Variants in CADM1 observed in about 807,000 individuals in gnomAD.
The protein encoded by CADM1 is TSLC-1.
Under a neutral mutation model 53.1 loss-of-function variants are expected in CADM1, and 15 were observed. The observed-to-expected ratio is 0.28, with a 90% CI of 0.19 to 0.44. The LOEUF (loss-of-function observed/expected upper bound fraction) is 0.44, where lower values mean the gene tolerates loss of function less well. CADM1 is among the 20% of genes least tolerant of loss of function. The probability of loss-of-function intolerance (pLI) is 1.00; values close to 1 mark genes in which losing one functional copy is unlikely to be tolerated. For synonymous variants in CADM1, 281 were observed against 243.0 expected (o/e 1.16, Z -1.45); for missense variants, 434 against 611.3 (o/e 0.71, Z 3.06).
At chr11:115,230,868 C>G (rs1480366541) in intron 4 of CADM1, among the ~76,000 whole-genome samples, 1 of 152,216 alleles carries the variant, frequency 6.6e-6, no homozygotes, top group East Asian at 1.9e-4. Context: ...ATAGTCAACA[C>G]AGGTGATAGT....
At chr11:115,238,153 C>A (rs1399991001) in intron 3 of CADM1, among the ~76,000 whole-genome samples, 1 of 152,066 alleles carries the variant, frequency 6.6e-6, no homozygotes. Context: ...GATTTGGTAG[C>A]CCATCTCCCC....
intron 2 of CADM1, among the ~76,000 whole-genome samples, chr11:115,239,571 C>A (rs1022456846): frequency 6.6e-6 from 1 of 152,130 alleles, no homozygotes; most frequent in Non-Finnish European, 1.5e-5. Context: ...TTTCCTCAAC[C>A]TTTTAAATGT....
intron 1 of CADM1, among the ~76,000 whole-genome samples, chr11:115,471,462 G>A (rs1466037706): frequency 1.3e-5 from 2 of 152,216 alleles, no homozygotes; most frequent in Non-Finnish European, 2.9e-5. Context: ...AAAGCTCACA[G>A]AGGCTGAGCA....
intron 1 of CADM1, among the ~76,000 whole-genome samples, chr11:115,281,928 T>C (rs1251944182): frequency 1.9e-5 from 2 of 104,232 alleles, no homozygotes; most frequent in Admixed American, 9.0e-5. Context: ...AACTGGTTCA[T>C]TTTTTGTTAG....
intron 6 of CADM1, 136 bp from the exon 7 acceptor site, chr11:115,214,916 G>T: frequency 2.1e-6 from 2 of 963,700 alleles, no homozygotes; most frequent in Non-Finnish European, 3.3e-6. Flanking sequence ...CAACTGTGAA[G>T]TCTCCAAAAA....
At chr11:115,503,186 A>T (rs1949769386) in intron 1 of CADM1, among the ~76,000 whole-genome samples, 1 of 152,176 alleles carries the variant, frequency 6.6e-6, no homozygotes, top group East Asian at 1.9e-4. Context: ...CTCTCCGCTG[A>T]GGAAGAGCTC....
Position 115,186,347 on chromosome 11 carries a change from T to C in CADM1, c.1165+4541A>G, listed in dbSNP as rs557464487. The stretch of plus-strand genomic sequence containing the variant: ...TTTGAGGAGAAAGAGCTTGATTTGA[T>C]GCTGGGAAAAAAAATCTTCCCAGGT... On this transcript the variant is annotated intron_variant, in intron 10 of 11. Transcript: ENST00000331581. Among the ~76,000 whole-genome samples, 3 of 152,220 alleles carry C rather than the reference T, an allele frequency of 2.0e-5. No homozygotes were observed. The South Asian group carries it at 6.2e-4, about 32-fold the overall frequency.
intron 1 of CADM1, among the ~76,000 whole-genome samples, chr11:115,311,787 A>G (rs1944538801): frequency 6.6e-6 from 1 of 152,062 alleles, no homozygotes; most frequent in Non-Finnish European, 1.5e-5. Flanking sequence ...ACCAATATAC[A>G]TGGTATCTGT....
chr11:115,343,940 T>C (rs1176605207), intron 1 of CADM1, among the ~76,000 whole-genome samples: 2 of 152,264 alleles, frequency 1.3e-5, no homozygotes, highest in Non-Finnish European at 2.9e-5. Context: ...AAGAGACCTG[T>C]TGCTCAAGTC....
At chr11:115,443,107 C>T (rs530159771) in intron 1 of CADM1, among the ~76,000 whole-genome samples, 2 of 152,030 alleles carry the variant, frequency 1.3e-5, no homozygotes, top group Non-Finnish European at 2.9e-5. Context: ...AAGCTAAAGT[C>T]GAGTAAATAC....
chr11:115,306,154 C>T (rs1429437605), intron 1 of CADM1, among the ~76,000 whole-genome samples: 1 of 147,558 alleles, frequency 6.8e-6, no homozygotes, highest in Non-Finnish European at 1.5e-5. Flanking sequence ...GGACTGCATA[C>T]AGGATAGTGG....
At chr11:115,392,053 A>C (rs1946848655) in intron 1 of CADM1, among the ~76,000 whole-genome samples, 2 of 152,208 alleles carry the variant, frequency 1.3e-5, no homozygotes, top group Admixed American at 6.5e-5. Context: ...GTTTCTGTTC[A>C]CATGTCATAT....
intron 1 of CADM1, among the ~76,000 whole-genome samples, chr11:115,284,114 C>CTCTCTCTCTCTCTCTCTCTGTGTG (rs1351842329): frequency 2.4e-4 from 24 of 98,678 alleles, no homozygotes; most frequent in Admixed American, 5.8e-4. Flanking sequence ...CTCTCTCTCT[C>CTCTCTCTCTCTCTCTCTCTGTGTG]TGTGTGTGTG....
chr11:115,468,054 A>C (rs1190195174), intron 1 of CADM1, among the ~76,000 whole-genome samples: 1 of 152,248 alleles, frequency 6.6e-6, no homozygotes, highest in Non-Finnish European at 1.5e-5. Context: ...TGCATATAGA[A>C]AAAGATGTAA....
At chr11:115,302,179 A>G (rs1263948208) in intron 1 of CADM1, among the ~76,000 whole-genome samples, 1 of 152,000 alleles carries the variant, frequency 6.6e-6, no homozygotes, top group African/African-American at 2.4e-5. Flanking sequence ...GAGGGAGCGT[A>G]TCAGGAAAAA....
At chr11:115,502,676 C>A (rs1178714643) in intron 1 of CADM1, among the ~76,000 whole-genome samples, 1 of 152,124 alleles carries the variant, frequency 6.6e-6, no homozygotes, top group East Asian at 1.9e-4. Context: ...CCAGACGCCC[C>A]CCAATAGGTT....
At chr11:115,357,940 TA>T (rs1945920897) in intron 1 of CADM1, among the ~76,000 whole-genome samples, 1 of 152,138 alleles carries the variant, frequency 6.6e-6, no homozygotes, top group Admixed American at 6.5e-5. Context: ...AGACACTAGA[TA>T]ATTACTTGAT....
intron 1 of CADM1, among the ~76,000 whole-genome samples, chr11:115,241,968 CTTTT>C (rs753938722): frequency 2.9e-5 from 4 of 138,478 alleles, no homozygotes; most frequent in African/African-American, 1.1e-4. Flanking sequence ...TTGAAGGATC[CTTTT>C]TTTTTTTTTT....
At chr11:115,295,432 T>C (rs1286709073) in intron 1 of CADM1, among the ~76,000 whole-genome samples, 2 of 149,572 alleles carry the variant, frequency 1.3e-5, no homozygotes, top group East Asian at 2.0e-4. Context: ...GTACTCCTTG[T>C]TGGACTATTA....
Sources: gnomAD v4.1 joint callset for allele counts (sites outside exome capture counted in the v4.1 genomes callset) on GRCh38, gnomAD v4.1.1 for gene constraint, MANE v1.5 for transcripts, NCBI Gene and HGNC (gene_info 2026-07-23, HGNC 2026-07-21) for gene names.